KRT73: variants seen among roughly 807,000 people sequenced by gnomAD.
KRT73 encodes keratin 73.
KRT73 carries 44 observed loss-of-function variants against 47.2 expected under a neutral mutation model. The ratio of observed to expected loss-of-function variants is 0.93; its 90% confidence interval spans 0.73 to 1.20. KRT73 has a LOEUF of 1.20. Ranked by LOEUF, KRT73 falls within the 50% of genes most tolerant of loss-of-function variation. The pLI is 0.00. For missense variants in KRT73, 713 were observed against 704.5 expected, an observed-to-expected ratio of 1.01 and a Z score of -0.14; for synonymous variants, 285 against 291.3, an observed-to-expected ratio of 0.98 and a Z score of 0.22.
At chr12:52,622,871 C>T (rs953488861), upstream of KRT73, among the ~76,000 whole-genome samples, 5 of 151,940 alleles carry the variant, frequency 3.3e-5, no homozygotes, top group African/African-American at 1.2e-4. Context: ...AATAAAAGGC[C>T]AGAGGAAAGA....
At chr12:52,628,872 A>G in the KRT73 span, among the ~76,000 whole-genome samples, 1,253 of 152,330 alleles carry the variant, frequency 8.2e-3, 19 homozygotes, top group African/African-American at 0.028. Flanking sequence ...GAGCCAGAGC[A>G]GGTATGCGTG....
At chr12:52,617,975 G>T in intron 1 of KRT73, 103 bp downstream of exon 1, 1 of 1,289,466 alleles carries the variant, frequency 7.8e-7, no homozygotes, top group South Asian at 1.4e-5. Context: ...GGGAGAAAAT[G>T]ATTTCTTGCT....
intron 3 of KRT73, 100 bp from the exon 4 acceptor site, chr12:52,614,774 C>T (rs1484266023): frequency 1.5e-5 from 13 of 892,362 alleles, no homozygotes. Context: ...GCTAGCTGCC[C>T]AGGACTTCAG....
At chr12:52,608,610 C>T (rs958559594) in intron 8 of KRT73, among the ~76,000 whole-genome samples, 158 bp from the exon 9 acceptor site, 9 of 152,174 alleles carry the variant, frequency 5.9e-5, no homozygotes, top group Admixed American at 2.0e-4. Context: ...GCAACTCAAG[C>T]GCGGGAAGAA....
chr12:52,614,946 A>T (rs904219402), intron 3 of KRT73: 17 of 523,802 alleles, frequency 3.2e-5, no homozygotes, highest in African/African-American at 3.1e-4. Context: ...CAGCCAACAG[A>T]GGGAGGCAAG....
At chr12:52,610,464 A>C in intron 7 of KRT73, 151 bp downstream of exon 7, 1 of 743,954 alleles carries the variant, frequency 1.3e-6, no homozygotes, top group Non-Finnish European at 2.2e-6. Flanking sequence ...TTGCTGTCAC[A>C]TTATCTGGCA....
At chr12:52,609,195 T>G in intron 8 of KRT73, 52 bp downstream of exon 8, 2 of 1,553,620 alleles carry the variant, frequency 1.3e-6, no homozygotes, top group Non-Finnish European at 1.8e-6. Flanking sequence ...CCCACCCACT[T>G]TGTGTTTGTT....
rs760029002 is a variant in KRT73, at chr12:52,616,358, T to C, written c.470A>G (p.Asn157Ser). Residue 157 changes from asparagine to serine, a missense_variant, in exon 2 of 9, where the codon AAC becomes AGC. Coordinates refer to ENST00000305748, the MANE Select transcript of KRT73 (RefSeq NM_175068.3). ...CTCCCACTTGGTCTCCAGCACCTGG[T>C]TCTGCTGCTCCAGGAACCGCACCTG... The part of the protein sequence containing the change: ...IDKVRFLEQQ[N>S]QVLETKWELL... The C allele has an allele frequency of 1.9e-6, 3 of 1,614,040 alleles. No individual in the cohort carries two copies. The African/African-American group carries it at 4.0e-5, about 22-fold the overall frequency.
chr12:52,613,074 G>A (rs676894), intron 5 of KRT73, among the ~76,000 whole-genome samples: 10,351 of 152,136 alleles, frequency 0.068, 859 homozygotes, highest in African/African-American at 0.17. Context: ...GCAGGGAGAG[G>A]GATGAGATAA....
intron 1 of KRT73, 108 bp downstream of exon 1, chr12:52,617,970 A>G: frequency 7.9e-7 from 1 of 1,260,998 alleles, no homozygotes; most frequent in Non-Finnish European, 1.1e-6. Context: ...TTGCTGGGAG[A>G]AAATGATTTC....
chr12:52,617,591 A>G (rs1053412025), intron 1 of KRT73, among the ~76,000 whole-genome samples: 1 of 152,162 alleles, frequency 6.6e-6, no homozygotes, highest in East Asian at 1.9e-4. Flanking sequence ...GCTGGGTCGC[A>G]TGGCAGTCTA....
chr12:52,610,719 C>T lies in KRT73; in HGVS notation c.1227G>A (p.Glu409=). 1 of 1,614,092 alleles carries T rather than the reference C, an allele frequency of 6.2e-7. No homozygotes were observed. The highest frequency in any genetic ancestry group is 8.5e-7 in the Non-Finnish European group (1 of 1,180,028). The change falls in exon 7 of 9, where the codon GAG becomes GAA. Residue 409 remains glutamate, a synonymous_variant. Coordinates refer to ENST00000305748, the MANE Select transcript of KRT73 (RefSeq NM_175068.3). Reference sequence around the variant, plus strand: ...GGTACTCGCGCAGCATCCGTGCCAGCTCCTCCTTGGCCTGCTGCAGGGCGC... The same window carrying T: ...GGTACTCGCGCAGCATCCGTGCCAGTTCCTCCTTGGCCTGCTGCAGGGCGC... ...LEGALQQAKE[E]LARMLREYQE...
intron 1 of KRT73, 90 bp downstream of exon 1, chr12:52,617,988 C>A: frequency 7.2e-7 from 1 of 1,387,010 alleles, no homozygotes; most frequent in South Asian, 1.3e-5. Flanking sequence ...TTCTTGCTCT[C>A]AGGCAAATTG....
chr12:52,621,301 G>GC (rs1334979322), upstream of KRT73, among the ~76,000 whole-genome samples: 1 of 141,936 alleles, frequency 7.0e-6, no homozygotes, highest in Non-Finnish European at 1.5e-5. Context: ...GGGGGGGGGG[G>GC]GGAGAGAGAA....
At chr12:52,610,992 G>A in intron 6 of KRT73, 157 bp from the exon 7 acceptor site, 1 of 885,870 alleles carries the variant, frequency 1.1e-6, no homozygotes, top group Non-Finnish European at 1.7e-6. Context: ...CTGAGACTGA[G>A]AGGCTTGCTA....
chr12:52,613,755 A>G lies in KRT73; in HGVS notation c.917T>C (p.Val306Ala), dbSNP rs1940753410. The G allele has an allele frequency of 6.2e-7, 1 of 1,614,192 alleles. No homozygotes were observed. The highest frequency in any genetic ancestry group is 8.5e-7 in the Non-Finnish European group (1 of 1,180,032). ...NLDLDSIIAE[V>A]RAQYEEIARK... Reference sequence around the variant, plus strand: ...GGCGATCTCCTCATACTGGGCACGGACCTCAGCAATGATGCTGTCCAGGTC... The same window carrying G: ...GGCGATCTCCTCATACTGGGCACGGGCCTCAGCAATGATGCTGTCCAGGTC... The change falls in exon 5 of 9, where the codon GTC becomes GCC. Residue 306 changes from valine (V) to alanine (A), a missense_variant. By Grantham distance (64) the Val-to-Ala change is moderately conservative. Coordinates refer to ENST00000305748, the MANE Select transcript of KRT73 (RefSeq NM_175068.3).
intron 4 of KRT73, chr12:52,614,067 C>G (rs897710188): frequency 5.2e-6 from 3 of 572,080 alleles, no homozygotes; most frequent in Non-Finnish European, 8.7e-6. Flanking sequence ...AAGAAAACAG[C>G]CCATATGTCT....
rs149885695 is a variant in KRT73, at chr12:52,618,295, C to G, written c.230G>C (p.Arg77Pro). 2 of 1,614,210 alleles carry G rather than the reference C, an allele frequency of 1.2e-6. No individual in the cohort carries two copies. Among genetic ancestry groups the G allele is most frequent in the Non-Finnish European group, 1.7e-6 (2 of 1,180,036 alleles). Residue 77 changes from arginine to proline, a missense_variant, in exon 1 of 9, where the codon CGG becomes CCG. Physicochemically the swap from Arg to Pro is moderately radical, Grantham distance 103 (BLOSUM62 -2). Coordinates refer to ENST00000305748, the MANE Select transcript of KRT73 (RefSeq NM_175068.3). Reference sequence around the variant, plus strand: ...CATGCTGCCAGCAAAGCCACTGGCCCGGCCCCGGCCAAATCCATAGCCTCC... The same window carrying G: ...CATGCTGCCAGCAAAGCCACTGGCCGGGCCCCGGCCAAATCCATAGCCTCC... ...WAGGYGFGRG[R>P]ASGFAGSMFG...
In KRT73 at chr12:52,614,209, G is replaced by C. The variant is rs1592243979; in HGVS notation, c.820-357C>G. 1.2e-5 allele frequency: 4 copies of C among 337,844 alleles called. No individual in the cohort carries two copies. In the Admixed American group the frequency reaches 1.8e-4, roughly 15 times the overall value. 20.9% of individuals were successfully genotyped at this position (337,844 alleles called of 1,614,324 possible). Reference sequence around the variant, plus strand: ...TGAGGCTTGAAACCAGATGTACATAGAGAAGGCAGAAGGGGTATGAGGACT... The same window carrying C: ...TGAGGCTTGAAACCAGATGTACATACAGAAGGCAGAAGGGGTATGAGGACT... On this transcript the variant is annotated intron_variant, in intron 4 of 8. Transcript: ENST00000305748.
Sources: gnomAD v4.1 joint callset for allele counts (sites outside exome capture counted in the v4.1 genomes callset) on GRCh38, gnomAD v4.1.1 for gene constraint, MANE v1.5 for transcripts, NCBI Gene and HGNC (gene_info 2026-07-23, HGNC 2026-07-21) for gene names.